SIK3: variants seen among roughly 807,000 people sequenced by gnomAD.
The protein encoded by SIK3 is SIK family kinase 3.
A neutral mutation model predicts 144.2 loss-of-function variants in SIK3; 28 were observed. The ratio of observed to expected loss-of-function variants is 0.19; its 90% confidence interval spans 0.14 to 0.27. The LOEUF (loss-of-function observed/expected upper bound fraction) is 0.27, where lower values mean the gene tolerates loss of function less well. SIK3 is among the 10% of genes least tolerant of loss of function. The probability of loss-of-function intolerance (pLI) is 1.00; values close to 1 mark genes in which losing one functional copy is unlikely to be tolerated. For synonymous variants in SIK3, 686 were observed against 676.3 expected, an observed-to-expected ratio of 1.01 and a Z score of -0.22; for missense variants, 1,319 against 1,776.0, an observed-to-expected ratio of 0.74 and a Z score of 4.62.
At chr11:116,964,136 G>C (rs755059642) in intron 1 of SIK3, among the ~76,000 whole-genome samples, 7 of 152,098 alleles carry the variant, frequency 4.6e-5, no homozygotes, top group Admixed American at 6.6e-5. Flanking sequence ...AGCCTTCTGA[G>C]TAGCTGGGAC....
chr11:116,913,446 C>T (rs1946448409), intron 4 of SIK3, among the ~76,000 whole-genome samples: 1 of 152,038 alleles, frequency 6.6e-6, no homozygotes, highest in Non-Finnish European at 1.5e-5. Flanking sequence ...AAGTAATAAA[C>T]CAGTCTTCTC....
chr11:116,988,900 C>T (rs1950410033), intron 1 of SIK3, among the ~76,000 whole-genome samples: 1 of 151,396 alleles, frequency 6.6e-6, no homozygotes, highest in Non-Finnish European at 1.5e-5. Flanking sequence ...AAGAAGACAA[C>T]ATATGCCCTG....
At chr11:116,925,371 A>G (rs1356588955) in intron 4 of SIK3, among the ~76,000 whole-genome samples, 2 of 152,226 alleles carry the variant, frequency 1.3e-5, no homozygotes, top group East Asian at 3.8e-4. Context: ...TAGGAGTAGG[A>G]GATGTGACAA....
At chr11:116,854,119 G>T (rs1297458202) in intron 21 of SIK3, among the ~76,000 whole-genome samples, 1 of 152,096 alleles carries the variant, frequency 6.6e-6, no homozygotes, top group Non-Finnish European at 1.5e-5. Flanking sequence ...CAGCATTTTG[G>T]GAGGCCAAGA....
At chr11:116,979,261 T>C (rs899047206) in intron 1 of SIK3, among the ~76,000 whole-genome samples, 52 of 152,286 alleles carry the variant, frequency 3.4e-4, no homozygotes, top group Non-Finnish European at 6.2e-4. Flanking sequence ...ACTAAAAGGG[T>C]TGAGGATCTT....
intron 6 of SIK3, among the ~76,000 whole-genome samples, chr11:116,884,350 CTT>C (rs71037434): frequency 1.8e-4 from 23 of 128,148 alleles, no homozygotes; most frequent in Admixed American, 2.4e-4. Context: ...CCACATCTGG[CTT>C]TTTTTTTTTT....
intron 1 of SIK3, among the ~76,000 whole-genome samples, chr11:117,020,246 T>TATATATATATATACAC: frequency 3.9e-5 from 5 of 127,298 alleles, no homozygotes; most frequent in South Asian, 2.6e-4. Flanking sequence ...CATATATATA[T>TATATATATATATACAC]ACACATACAT....
chr11:116,865,312 C>A (rs1162143129), intron 15 of SIK3, among the ~76,000 whole-genome samples: 3 of 152,172 alleles, frequency 2.0e-5, no homozygotes, highest in African/African-American at 7.2e-5. Context: ...TCTCCCATCA[C>A]AGAAAATCCC....
intron 3 of SIK3, among the ~76,000 whole-genome samples, chr11:116,944,260 T>C (rs189871731): frequency 6.6e-6 from 1 of 152,288 alleles, no homozygotes; most frequent in Admixed American, 6.5e-5. Flanking sequence ...CTTGGAATGT[T>C]ATGTCTGCTC....
intron 4 of SIK3, among the ~76,000 whole-genome samples, chr11:116,899,547 T>C (rs1014452979): frequency 1.1e-4 from 16 of 152,204 alleles, no homozygotes; most frequent in African/African-American, 3.9e-4. Context: ...AAAGGAAGAA[T>C]ATGCAACTTA....
In SIK3 at chr11:117,087,816, T is replaced by C. The variant is rs539454448; in HGVS notation, c.273+10327A>G. 5.3e-5 allele frequency among the ~76,000 whole-genome samples: 8 copies of C among 152,202 alleles called. No individual in the cohort carries two copies. The South Asian group carries it at 1.5e-3, about 28-fold the overall frequency. On this transcript the variant is annotated intron_variant, in intron 1 of 24. Transcript: ENST00000445177. ...TCAACAATATATCCGGAGCAAAAAA[T>C]CAGAAGTACATCAAAGACTTGTGCA...
intron 1 of SIK3, among the ~76,000 whole-genome samples, chr11:117,004,674 T>C (rs1223452714): frequency 1.3e-5 from 2 of 152,196 alleles, no homozygotes; most frequent in Non-Finnish European, 2.9e-5. Context: ...ATTACTTTCC[T>C]TCAAATCTTA....
chr11:116,935,376 T>G (rs1006510833), intron 3 of SIK3, among the ~76,000 whole-genome samples: 1 of 152,024 alleles, frequency 6.6e-6, no homozygotes, highest in Admixed American at 6.6e-5. Context: ...CAAAAACACT[T>G]TTTTTACTCT....
chr11:116,931,823 C>A lies in SIK3; in HGVS notation c.455-4443G>T, dbSNP rs796153821. On this transcript the variant is annotated intron_variant, in intron 3 of 24. Transcript: ENST00000445177. ...AGGGCGAGGCCAAGATAACTCAGCTCCCCCTAAGCAGGTTAATAAGAGTGC... is the reference window on the plus strand; with the variant it reads ...AGGGCGAGGCCAAGATAACTCAGCTACCCCTAAGCAGGTTAATAAGAGTGC... Among the ~76,000 whole-genome samples the A allele has an allele frequency of 9.8e-5, 15 of 152,288 alleles. 1 individual carries two copies. Among genetic ancestry groups the A allele is most frequent in the African/African-American group, 3.6e-4 (15 of 41,554 alleles).
chr11:116,881,591 A>G (rs561423432), intron 6 of SIK3, among the ~76,000 whole-genome samples: 2 of 152,274 alleles, frequency 1.3e-5, no homozygotes, highest in East Asian at 3.9e-4. Context: ...AAGTGGTTAC[A>G]ACAAACCAAA....
chr11:116,953,297 CAAAT>C (rs1291354343), intron 3 of SIK3, among the ~76,000 whole-genome samples: 4 of 151,912 alleles, frequency 2.6e-5, no homozygotes, highest in East Asian at 1.9e-4. Context: ...GGAAATTAGA[CAAAT>C]AAAGTATATA....
chr11:116,939,762 A>G (rs778603225), intron 3 of SIK3, among the ~76,000 whole-genome samples: 1 of 152,224 alleles, frequency 6.6e-6, no homozygotes, highest in African/African-American at 2.4e-5. Flanking sequence ...ATGATCAGCC[A>G]AATTCCAAAT....
intron 1 of SIK3, among the ~76,000 whole-genome samples, chr11:117,068,688 A>G (rs894581242): frequency 6.6e-6 from 1 of 152,206 alleles, no homozygotes; most frequent in Non-Finnish European, 1.5e-5. Context: ...CAAGCGGTTG[A>G]GGCCACAGTG....
chr11:116,930,993 C>T (rs376964488), intron 3 of SIK3, among the ~76,000 whole-genome samples: 3 of 152,060 alleles, frequency 2.0e-5, no homozygotes, highest in Non-Finnish European at 4.4e-5. Context: ...AAATGGTTCT[C>T]CTGTTTCAAG....
Sources: gnomAD v4.1 joint callset for allele counts (sites outside exome capture counted in the v4.1 genomes callset) on GRCh38, gnomAD v4.1.1 for gene constraint, MANE v1.5 for transcripts, NCBI Gene and HGNC (gene_info 2026-07-23, HGNC 2026-07-21) for gene names.